The following VTI1A variants were observed in gnomAD, a reference collection of about 807,000 sequenced individuals.
VTI1A encodes the protein vesicle transport through interaction with t-SNAREs 1A.
Under a neutral mutation model 34.9 loss-of-function variants are expected in VTI1A, and 22 were observed. The observed-to-expected ratio is 0.63, with a 90% CI of 0.45 to 0.90. The LOEUF (loss-of-function observed/expected upper bound fraction) is 0.90. Among genes scored for constraint, VTI1A ranks in the 40% least tolerant of loss-of-function variants. The pLI, the probability that VTI1A is intolerant of heterozygous loss-of-function variation, is 0.00. For synonymous variants in VTI1A, 87 were observed against 97.3 expected (o/e 0.89, Z 0.62); for missense variants, 268 against 275.6 (o/e 0.97, Z 0.20).
intron 7 of VTI1A, among the ~76,000 whole-genome samples, chr10:112,725,556 C>T (rs1849991193): frequency 6.6e-6 from 1 of 152,230 alleles, no homozygotes; most frequent in African/African-American, 2.4e-5. Flanking sequence ...TTAGCAACCA[C>T]TGATGATCAC....
chr10:112,705,456 A>G (rs534552033), intron 7 of VTI1A, among the ~76,000 whole-genome samples: 1 of 151,980 alleles, frequency 6.6e-6, no homozygotes, highest in South Asian at 2.1e-4. Flanking sequence ...TGACTCCATT[A>G]TTGCTGCCAG....
chr10:112,549,010 T>TAGGG, intron 5 of VTI1A: 1 of 603,732 alleles, frequency 1.7e-6, no homozygotes, highest in Non-Finnish European at 2.9e-6. Context: ...CTTCAAGAAA[T>TAGGG]ATTTTGAGTG....
At chr10:112,822,889 A>G (rs533283157), downstream of VTI1A, among the ~76,000 whole-genome samples, 3 of 152,342 alleles carry the variant, frequency 2.0e-5, no homozygotes, top group Admixed American at 6.5e-5. Flanking sequence ...CCGAAGACAC[A>G]TGGTGAAGAA....
Position 112,513,318 on chromosome 10 carries a change from C to T in VTI1A, c.265-13769C>T, listed in dbSNP as rs116649903. ...TGCTATTGCAAATGGAATTGTTTTA[C>T]GAATTTCCTTTTTGTATTAGCTTGT... is the stretch of plus-strand genomic sequence containing the variant. On this transcript the variant is annotated intron_variant, in intron 3 of 7. Transcript: ENST00000393077. 8.7e-3 allele frequency among the ~76,000 whole-genome samples: 1,328 copies of T among 151,980 alleles called. 15 individuals are homozygous for T. The highest frequency in any genetic ancestry group is 0.03 in the African/African-American group (1,264 of 41,522).
intron 5 of VTI1A, among the ~76,000 whole-genome samples, chr10:112,618,751 G>A (rs549261556): frequency 9.9e-4 from 150 of 151,912 alleles, no homozygotes; most frequent in African/African-American, 3.4e-3. Flanking sequence ...ACATTTTGGC[G>A]TCTGCCTCCA....
At chr10:112,554,947 G>A (rs1449101930) in intron 5 of VTI1A, among the ~76,000 whole-genome samples, 1 of 152,060 alleles carries the variant, frequency 6.6e-6, no homozygotes, top group Non-Finnish European at 1.5e-5. Flanking sequence ...CGTTCATGTG[G>A]TCTATCCCCA....
intron 7 of VTI1A, among the ~76,000 whole-genome samples, chr10:112,673,934 A>G (rs1398739296): frequency 6.6e-6 from 1 of 152,194 alleles, no homozygotes; most frequent in Non-Finnish European, 1.5e-5. Context: ...CTTTTTTTAA[A>G]AACTCATTCT....
At chr10:112,551,803 T>C (rs1252792606) in intron 5 of VTI1A, among the ~76,000 whole-genome samples, 1 of 152,102 alleles carries the variant, frequency 6.6e-6, no homozygotes, top group Non-Finnish European at 1.5e-5. Flanking sequence ...GAGAAGTAAG[T>C]AAACTGTGAG....
intron 3 of VTI1A, among the ~76,000 whole-genome samples, chr10:112,472,132 A>G (rs1848111294): frequency 6.6e-6 from 1 of 152,232 alleles, no homozygotes; most frequent in Non-Finnish European, 1.5e-5. Context: ...CCTTTAAGAC[A>G]TACACAGAAG....
chr10:112,737,950 G>A (rs1486682359), intron 7 of VTI1A: 11 of 972,118 alleles, frequency 1.1e-5, no homozygotes, highest in Non-Finnish European at 1.3e-5. Flanking sequence ...ACATTTAGGC[G>A]GGGATGCTTA....
chr10:112,717,546 T>G (rs1849653708), intron 7 of VTI1A, among the ~76,000 whole-genome samples: 1 of 152,090 alleles, frequency 6.6e-6, no homozygotes, highest in Non-Finnish European at 1.5e-5. Context: ...CTGTCATTAG[T>G]CAAAAGGCCC....
intron 5 of VTI1A, 102 bp downstream of exon 5, chr10:112,538,432 C>G: frequency 9.3e-7 from 1 of 1,072,068 alleles, no homozygotes. Flanking sequence ...GAGACAGCAG[C>G]CCGAGATGTG....
intron 7 of VTI1A, among the ~76,000 whole-genome samples, chr10:112,726,738 G>A (rs953943711): frequency 1.8e-4 from 27 of 152,156 alleles, no homozygotes; most frequent in Admixed American, 1.6e-3. Flanking sequence ...GGGCTTCAAG[G>A]AGCTCAGGGT....
intron 5 of VTI1A, among the ~76,000 whole-genome samples, chr10:112,575,967 C>G (rs570615793): frequency 2.6e-4 from 39 of 150,522 alleles, no homozygotes; most frequent in South Asian, 1.9e-3. Flanking sequence ...TTTGTTCATT[C>G]TGTGTATCTT....
chr10:112,705,104 A>C (rs967715284), intron 7 of VTI1A, among the ~76,000 whole-genome samples: 1 of 149,744 alleles, frequency 6.7e-6, no homozygotes, highest in African/African-American at 2.5e-5. Context: ...GGATTTTGCC[A>C]TGTTGTCTGG....
intron 7 of VTI1A, among the ~76,000 whole-genome samples, chr10:112,765,232 G>A (rs572447305): frequency 8.4e-5 from 12 of 142,674 alleles, no homozygotes; most frequent in South Asian, 2.2e-4. Context: ...TTTTTGAGAC[G>A]GAGTCTCGCT....
downstream of VTI1A, chr10:112,818,890 A>G (rs191584321): frequency 2.3e-4 from 39 of 170,948 alleles, no homozygotes; most frequent in African/African-American, 8.6e-4. Context: ...TAGATTATTC[A>G]TTACTCTCCT....
chr10:112,711,160 T>C (rs1849400809), intron 7 of VTI1A, among the ~76,000 whole-genome samples: 1 of 152,230 alleles, frequency 6.6e-6, no homozygotes, highest in African/African-American at 2.4e-5. Context: ...AATAGCTTCA[T>C]TTTGAAAACT....
intron 5 of VTI1A, among the ~76,000 whole-genome samples, chr10:112,644,255 A>G (rs1463545089): frequency 1.3e-5 from 2 of 152,226 alleles, no homozygotes; most frequent in Non-Finnish European, 2.9e-5. Context: ...AAAACTATCA[A>G]TCAGGTACAA....
Sources: allele counts gnomAD v4.1 joint callset (sites outside exome capture counted in the v4.1 genomes callset), GRCh38; gene constraint gnomAD v4.1.1; transcripts MANE v1.5; gene names NCBI Gene and HGNC (gene_info 2026-07-23, HGNC 2026-07-21).